RABGAP1L: variants seen among roughly 807,000 people sequenced by gnomAD.
The protein encoded by RABGAP1L is RAB GTPase activating protein 1 like.
RABGAP1L carries 63 observed loss-of-function variants against 137.7 expected under a neutral mutation model. The ratio of observed to expected loss-of-function variants is 0.46; its 90% CI spans 0.37 to 0.56. The LOEUF (loss-of-function observed/expected upper bound fraction) is 0.56, where lower values mean the gene tolerates loss of function less well. Ranked by LOEUF, RABGAP1L falls within the 20% of genes least tolerant of loss-of-function variation. The pLI is 0.00. For missense variants in RABGAP1L, 1,095 were observed against 1,244.0 expected (o/e 0.88, Z 1.80); for synonymous variants, 431 against 433.7 (o/e 0.99, Z 0.08).
intron 15 of RABGAP1L, among the ~76,000 whole-genome samples, chr1:174,691,051 C>T (rs758371063): frequency 2.1e-4 from 32 of 152,026 alleles, no homozygotes; most frequent in Non-Finnish European, 4.1e-4. Flanking sequence ...AGCCTGGTCT[C>T]GAACTCCTGA....
intron 11 of RABGAP1L, among the ~76,000 whole-genome samples, chr1:174,317,601 G>A (rs1679500288): frequency 6.6e-6 from 1 of 152,142 alleles, no homozygotes; most frequent in Non-Finnish European, 1.5e-5. Flanking sequence ...TATGCAGACT[G>A]GGGTTAGGGG....
At chr1:174,890,913 T>C (rs956947687) in intron 19 of RABGAP1L, among the ~76,000 whole-genome samples, 1 of 152,228 alleles carries the variant, frequency 6.6e-6, no homozygotes, top group Non-Finnish European at 1.5e-5. Flanking sequence ...GTTTTCAATA[T>C]TTTGCTCCTA....
At chr1:174,952,505 T>C (rs993238087) in intron 19 of RABGAP1L, among the ~76,000 whole-genome samples, 8 of 151,246 alleles carry the variant, frequency 5.3e-5, no homozygotes, top group African/African-American at 1.2e-4. Flanking sequence ...AACAAGACCC[T>C]GTCTCTTAAA....
intron 1 of RABGAP1L, among the ~76,000 whole-genome samples, chr1:174,182,768 A>G (rs1215562140): frequency 2.0e-5 from 3 of 152,200 alleles, no homozygotes; most frequent in East Asian, 1.9e-4. Context: ...ACAGCTCTAC[A>G]ACAGTGTAGA....
chr1:174,638,112 G>T (rs1444619959), intron 14 of RABGAP1L, among the ~76,000 whole-genome samples: 1 of 152,152 alleles, frequency 6.6e-6, no homozygotes, highest in Non-Finnish European at 1.5e-5. Flanking sequence ...GCAGAATGAA[G>T]TGTGGTGGGT....
intron 1 of RABGAP1L, among the ~76,000 whole-genome samples, chr1:174,209,195 G>A (rs748738631): frequency 1.1e-4 from 17 of 152,172 alleles, no homozygotes; most frequent in Non-Finnish European, 2.2e-4. Flanking sequence ...TATGCATTGC[G>A]TACCTCCTGC....
chr1:174,356,319 A>G (rs2148948086), intron 11 of RABGAP1L, among the ~76,000 whole-genome samples: 2 of 152,218 alleles, frequency 1.3e-5, no homozygotes, highest in Admixed American at 1.3e-4. Context: ...ATTAAGAGAA[A>G]AATCTCTGAA....
At chr1:174,359,722 A>G (rs1464294075) in intron 11 of RABGAP1L, among the ~76,000 whole-genome samples, 4 of 152,208 alleles carry the variant, frequency 2.6e-5, no homozygotes, top group Non-Finnish European at 4.4e-5. Context: ...CACAGGTTGA[A>G]TTCTAACCTT....
chr1:174,348,920 C>G (rs1682719565), intron 11 of RABGAP1L, among the ~76,000 whole-genome samples: 1 of 152,238 alleles, frequency 6.6e-6, no homozygotes, highest in Non-Finnish European at 1.5e-5. Context: ...TCCCGCCTTT[C>G]TATTCCACAA....
At chr1:174,250,753 G>C in intron 6 of RABGAP1L, 121 bp downstream of exon 6, 2 of 838,694 alleles carry the variant, frequency 2.4e-6, no homozygotes, top group Admixed American at 5.5e-5. Flanking sequence ...ATATTTGGCT[G>C]GTGAATTAAT....
chr1:174,964,057 A>C (rs1669403089), intron 20 of RABGAP1L, among the ~76,000 whole-genome samples: 1 of 152,242 alleles, frequency 6.6e-6, no homozygotes, highest in Admixed American at 6.5e-5. Context: ...AAAACCTTCA[A>C]ATATCCATAT....
At chr1:174,449,089 A>C in intron 13 of RABGAP1L, 1 of 1,614,096 alleles carries the variant, frequency 6.2e-7, no homozygotes, top group Non-Finnish European at 8.5e-7. Flanking sequence ...TTTTCCGGCT[A>C]GGCCTCCGAA....
chr1:174,171,740 C>T (rs1439171517), intron 1 of RABGAP1L, among the ~76,000 whole-genome samples: 6 of 150,376 alleles, frequency 4.0e-5, no homozygotes, highest in Non-Finnish European at 7.4e-5. Context: ...TGGTGGCTCA[C>T]GCCTGTAATC....
At chr1:174,483,083 GAAAGTGGAGGT>G (rs1659280022) in intron 13 of RABGAP1L, among the ~76,000 whole-genome samples, 1 of 152,046 alleles carries the variant, frequency 6.6e-6, no homozygotes, top group Non-Finnish European at 1.5e-5. Context: ...TCACATCAGG[GAAAGTGGAGGT>G]ATCCATCACC....
At chr1:174,375,565 A>C (rs1162652902) in intron 12 of RABGAP1L, among the ~76,000 whole-genome samples, 1 of 152,170 alleles carries the variant, frequency 6.6e-6, no homozygotes, top group African/African-American at 2.4e-5. Flanking sequence ...AGGATATAAA[A>C]TAATATTATA....
At chr1:174,875,505 AG>A (rs1450221641) in intron 19 of RABGAP1L, 1 of 984,914 alleles carries the variant, frequency 1.0e-6, no homozygotes, top group Non-Finnish European at 1.2e-6. Context: ...CTTCCACAAC[AG>A]GTGTCTTTGT....
At chr1:174,197,358 C>T (rs1314050174) in intron 1 of RABGAP1L, among the ~76,000 whole-genome samples, 1 of 151,964 alleles carries the variant, frequency 6.6e-6, no homozygotes, top group Non-Finnish European at 1.5e-5. Flanking sequence ...GGCTTGAACT[C>T]TTATAAGTAG....
intron 13 of RABGAP1L, among the ~76,000 whole-genome samples, chr1:174,586,477 A>C (rs2148111130): frequency 6.6e-6 from 1 of 152,238 alleles, no homozygotes; most frequent in South Asian, 2.1e-4. Flanking sequence ...AAGTGCAGCA[A>C]ACCACCATGA....
At chr1:174,204,422 C>T (rs1558030002) in intron 1 of RABGAP1L, among the ~76,000 whole-genome samples, 2 of 152,146 alleles carry the variant, frequency 1.3e-5, no homozygotes, top group Admixed American at 1.3e-4. Context: ...CCTAATTGCT[C>T]TGGCTAGGAC....
Sources: gnomAD v4.1 joint callset for allele counts (sites outside exome capture counted in the v4.1 genomes callset) on GRCh38, gnomAD v4.1.1 for gene constraint, MANE v1.5 for transcripts, NCBI Gene and HGNC (gene_info 2026-07-23, HGNC 2026-07-21) for gene names.